Variants in CMIP observed in about 807,000 individuals in gnomAD.
CMIP encodes the protein C-Maf-inducing protein.
CMIP carries 13 observed loss-of-function variants against 97.3 expected under a neutral mutation model. That is an observed-to-expected ratio of 0.13 (90% CI 0.09 to 0.21). The LOEUF (loss-of-function observed/expected upper bound fraction) is 0.21. CMIP is among the 10% of genes least tolerant of loss of function. CMIP has a pLI of 1.00. For missense variants in CMIP, 847 were observed against 1,024.9 expected, an observed-to-expected ratio of 0.83 and a Z score of 2.37; for synonymous variants, 538 against 436.3, an observed-to-expected ratio of 1.23 and a Z score of -2.91.
rs769478662 is a variant in CMIP, at chr16:81,678,398, G to A, written c.1158G>A (p.Thr386=). The A allele has an allele frequency of 5.6e-6, 9 of 1,606,328 alleles. No homozygotes were observed. Among genetic ancestry groups the A allele is most frequent in the South Asian group, 2.2e-5 (2 of 89,656 alleles). ...CGGACCTGGTGTCTCAGGAAGCCAC[G>A]CTGTCTGAGGCCCGGCTCAAGTCGG... The part of the protein sequence containing the change: ...PSPDLVSQEA[T]LSEARLKSVV... Residue 386 remains threonine (T), a synonymous_variant, in exon 10 of 21, where the codon ACG becomes ACA. Transcript: ENST00000537098.
At chr16:81,697,577 C>T (rs1271138075) in intron 14 of CMIP, 2 of 152,276 alleles carry the variant, frequency 1.3e-5, no homozygotes, top group Non-Finnish European at 2.9e-5. Context: ...TTCAGCCCCT[C>T]GTCCGGGAGC....
chr16:81,696,221 A>C (rs999703399), intron 13 of CMIP: 3 of 384,318 alleles, frequency 7.8e-6, no homozygotes, highest in Non-Finnish European at 1.4e-5. Flanking sequence ...AGAAAGGGAA[A>C]AGGGGCTGAT....
At chr16:81,555,180 A>G (rs1244837564) in intron 1 of CMIP, among the ~76,000 whole-genome samples, 1 of 152,210 alleles carries the variant, frequency 6.6e-6, no homozygotes, top group African/African-American at 2.4e-5. Flanking sequence ...GCAGAAATCC[A>G]CAAGCAGCAT....
At chr16:81,596,798 A>G (rs987550351) in intron 1 of CMIP, among the ~76,000 whole-genome samples, 2 of 152,198 alleles carry the variant, frequency 1.3e-5, no homozygotes, top group African/African-American at 4.8e-5. Flanking sequence ...AGTCCTAGGC[A>G]TACCAGACAA....
At chr16:81,450,413 T>C (rs914823141) in intron 1 of CMIP, among the ~76,000 whole-genome samples, 1 of 152,214 alleles carries the variant, frequency 6.6e-6, no homozygotes, top group Non-Finnish European at 1.5e-5. Flanking sequence ...TTGCTTTCCC[T>C]TGCTGGGCCT....
intron 1 of CMIP, among the ~76,000 whole-genome samples, chr16:81,475,522 C>G (rs910767901): frequency 6.6e-6 from 1 of 151,768 alleles, no homozygotes; most frequent in Admixed American, 6.6e-5. Flanking sequence ...GCTTTTATTT[C>G]ACAATCATAA....
rs539021181 is a variant in CMIP, at chr16:81,531,008, T to C, written c.301-76559T>C. ...CTTCTGGGATCGTCATTGTTATGGGTTGAACTGTAGCCTTCAAAAGGCACG... is the reference window on the plus strand; with the variant it reads ...CTTCTGGGATCGTCATTGTTATGGGCTGAACTGTAGCCTTCAAAAGGCACG... On this transcript the variant is annotated intron_variant, in intron 1 of 20. Coordinates refer to ENST00000537098, the MANE Select transcript of CMIP (RefSeq NM_198390.3). Among the ~76,000 whole-genome samples, 3 of 152,254 alleles carry C rather than the reference T, an allele frequency of 2.0e-5. No individual in the cohort carries two copies. The South Asian group carries it at 6.2e-4, about 32-fold the overall frequency.
intron 1 of CMIP, among the ~76,000 whole-genome samples, chr16:81,590,891 A>C (rs1354861026): frequency 6.6e-6 from 1 of 151,880 alleles, no homozygotes; most frequent in African/African-American, 2.4e-5. Flanking sequence ...TTTCCTCTTG[A>C]ATGGTTTAGA....
chr16:81,662,161 A>AC (rs1313936165), intron 6 of CMIP, among the ~76,000 whole-genome samples: 1 of 152,170 alleles, frequency 6.6e-6, no homozygotes, highest in African/African-American at 2.4e-5. Context: ...TCTGCCTGTC[A>AC]CAACAGATCA....
intron 1 of CMIP, chr16:81,495,463 G>A: frequency 1.2e-6 from 2 of 1,612,792 alleles, no homozygotes; most frequent in Non-Finnish European, 1.7e-6. Flanking sequence ...CTCCGCCCTG[G>A]CGTCCGGGGA....
intron 3 of CMIP, among the ~76,000 whole-genome samples, chr16:81,628,346 A>G (rs1354159295): frequency 6.6e-6 from 1 of 152,130 alleles, no homozygotes; most frequent in Non-Finnish European, 1.5e-5. Context: ...ATCCAGCCCA[A>G]GCCGAGCCCC....
At chr16:81,500,670 G>A (rs1384774055) in intron 1 of CMIP, among the ~76,000 whole-genome samples, 1 of 151,742 alleles carries the variant, frequency 6.6e-6, no homozygotes, top group Non-Finnish European at 1.5e-5. Context: ...TGTATTTTTA[G>A]TAGAGACTGG....
Position 81,678,381 on chromosome 16 carries a change from G to A in CMIP, c.1141G>A (p.Val381Met). 4.3e-6 allele frequency: 7 copies of A among 1,611,704 alleles called. No homozygotes were observed. The highest frequency in any genetic ancestry group is 5.9e-6 in the Non-Finnish European group (7 of 1,179,080). The change falls in exon 10 of 21, where the codon GTG becomes ATG. Residue 381 changes from valine (V) to methionine (M), a missense_variant. Around this residue, in one of 4 missense-constraint regions of CMIP, gnomAD observed 202 missense variants for 168.7 expected, o/e 1.20. Coordinates refer to ENST00000537098, the MANE Select transcript of CMIP (RefSeq NM_198390.3). ...LRLLHPSPDL[V>M]SQEATLSEAR... ...CCTTCTGCACCCCAGCCCGGACCTG[G>A]TGTCTCAGGAAGCCACGCTGTCTGA...
At chr16:81,707,201 T>C in intron 20 of CMIP, 117 bp downstream of exon 20, 1 of 803,772 alleles carries the variant, frequency 1.2e-6, no homozygotes, top group African/African-American at 1.7e-5. Flanking sequence ...CATCTACAGA[T>C]CAATACATAA....
At chr16:81,700,391 C>T (rs892354973) in intron 15 of CMIP, 6 of 155,072 alleles carry the variant, frequency 3.9e-5, no homozygotes, top group African/African-American at 1.4e-4. Context: ...TCCCCAGAAG[C>T]CTGAGACTCC....
At chr16:81,686,257 GA>G in intron 10 of CMIP, among the ~76,000 whole-genome samples, 1 of 152,326 alleles carries the variant, frequency 6.6e-6, no homozygotes, top group African/African-American at 2.4e-5. Context: ...CTTCTGGAGG[GA>G]AGACAAGCTA....
intron 3 of CMIP, chr16:81,631,428 T>TA (rs2092157392): frequency 6.6e-6 from 1 of 152,130 alleles, no homozygotes; most frequent in Non-Finnish European, 1.5e-5. Flanking sequence ...GTTTTCGAAA[T>TA]AAACTTCTCA....
chr16:81,467,136 C>T (rs567870167), intron 1 of CMIP, among the ~76,000 whole-genome samples: 1 of 152,184 alleles, frequency 6.6e-6, no homozygotes, highest in Non-Finnish European at 1.5e-5. Context: ...GGGGCTTAGG[C>T]GAGGTTGTGT....
intron 2 of CMIP, among the ~76,000 whole-genome samples, chr16:81,615,449 G>GGT (rs372243190): frequency 7.2e-6 from 1 of 138,216 alleles, no homozygotes; most frequent in African/African-American, 2.7e-5. Flanking sequence ...GTAACTGTAT[G>GGT]GTGTGTGTGT....
Sources: gnomAD v4.1 joint callset for allele counts (sites outside exome capture counted in the v4.1 genomes callset) on GRCh38, gnomAD v4.1.1 for gene constraint, gnomAD v4.1.1 regional missense constraint, MANE v1.5 for transcripts, NCBI Gene and HGNC (gene_info 2026-07-23, HGNC 2026-07-21) for gene names.